The following SOS1 variants were observed in gnomAD, a reference collection of about 807,000 sequenced individuals.
The protein encoded by SOS1 is son of sevenless homolog 1.
Under a neutral mutation model 157.6 loss-of-function variants are expected in SOS1, and 25 were observed. The observed-to-expected ratio is 0.16, with a 90% CI of 0.12 to 0.22. SOS1 has a LOEUF of 0.22. SOS1 is among the 10% of genes least tolerant of loss of function. SOS1 has a pLI of 1.00. For missense variants in SOS1, 1,237 were observed against 1,599.1 expected (o/e 0.77, Z 3.86); for synonymous variants, 528 against 534.0 (o/e 0.99, Z 0.16).
intron 8 of SOS1, among the ~76,000 whole-genome samples, chr2:39,033,667 T>C (rs1438511375): frequency 6.6e-6 from 1 of 152,142 alleles, no homozygotes; most frequent in Non-Finnish European, 1.5e-5. Context: ...TTTGAGTAGC[T>C]GGAACCACAG....
intron 1 of SOS1, among the ~76,000 whole-genome samples, chr2:39,102,570 C>T (rs1673011369): frequency 2.1e-5 from 3 of 142,504 alleles, no homozygotes; most frequent in South Asian, 2.3e-4. Flanking sequence ...AATTCCGCTT[C>T]GTTTTAAAAG....
intron 1 of SOS1, among the ~76,000 whole-genome samples, chr2:39,096,911 A>C (rs1672786974): frequency 6.6e-6 from 1 of 152,150 alleles, no homozygotes; most frequent in Non-Finnish European, 1.5e-5. Context: ...CTTGGCTGAA[A>C]TACATATTTA....
At chr2:38,990,126 A>G (rs1278399323) in intron 20 of SOS1, among the ~76,000 whole-genome samples, 1 of 151,990 alleles carries the variant, frequency 6.6e-6, no homozygotes, top group Non-Finnish European at 1.5e-5. Context: ...CCAAGAGACT[A>G]AAATAATACT....
At chr2:39,077,719 C>T (rs1672064458) in intron 1 of SOS1, among the ~76,000 whole-genome samples, 1 of 152,088 alleles carries the variant, frequency 6.6e-6, no homozygotes. Flanking sequence ...AGTATAGATT[C>T]ATGAGGAAAG....
chr2:39,059,733 G>A lies in SOS1; in HGVS notation c.214-929C>T, dbSNP rs371220629. On this transcript the variant is annotated intron_variant, in intron 2 of 22. Coordinates refer to ENST00000402219, the MANE Select transcript of SOS1 (RefSeq NM_005633.4). ...GATGCCATGTGATGCCCTTGGTGGT[G>A]AGGGAGGGGTGGAGAACACAATGAT... 1.0e-3 allele frequency among the ~76,000 whole-genome samples: 154 copies of A among 152,314 alleles called. 1 individual carries two copies. The South Asian group carries it at 0.015, about 15-fold the overall frequency.
intron 16 of SOS1, 64 bp downstream of exon 16, chr2:39,006,967 T>G: frequency 9.2e-7 from 1 of 1,081,884 alleles, no homozygotes; most frequent in Non-Finnish European, 1.4e-6. Flanking sequence ...ATAATAATTG[T>G]TAAAAATCTA....
intron 1 of SOS1, among the ~76,000 whole-genome samples, chr2:39,117,115 G>C (rs983922792): frequency 6.7e-6 from 1 of 150,096 alleles, no homozygotes; most frequent in African/African-American, 2.5e-5. Flanking sequence ...TGCAACCTCC[G>C]TCTTCCGGTT....
intron 1 of SOS1, among the ~76,000 whole-genome samples, chr2:39,068,088 C>G (rs778880487): frequency 6.6e-6 from 1 of 152,144 alleles, no homozygotes; most frequent in Non-Finnish European, 1.5e-5. Flanking sequence ...CACTGCACTC[C>G]AGCCTGGGCA....
intron 1 of SOS1, chr2:39,098,338 G>T: frequency 7.6e-6 from 2 of 261,506 alleles, no homozygotes; most frequent in Non-Finnish European, 1.5e-5. Context: ...ACTTTTCCTT[G>T]AGATTTTTCT....
At chr2:39,079,648 C>G (rs1423091931) in intron 1 of SOS1, among the ~76,000 whole-genome samples, 1 of 151,902 alleles carries the variant, frequency 6.6e-6, no homozygotes, top group African/African-American at 2.4e-5. Flanking sequence ...GCACGTGCCA[C>G]CATGCCCGGC....
chr2:39,057,724 G>C (rs899892635), intron 3 of SOS1, among the ~76,000 whole-genome samples: 8 of 151,964 alleles, frequency 5.3e-5, no homozygotes, highest in Admixed American at 4.6e-4. Context: ...AATTCCCTTA[G>C]AATACAATTC....
chr2:39,096,798 AT>A (rs1258103984), intron 1 of SOS1, among the ~76,000 whole-genome samples: 2 of 151,982 alleles, frequency 1.3e-5, no homozygotes, highest in Non-Finnish European at 2.9e-5. Context: ...AGACAGGAGA[AT>A]GGTGTAAACC....
chr2:39,088,018 TCATTATTCACATTACCA>T (rs1672439414), intron 1 of SOS1, among the ~76,000 whole-genome samples: 1 of 150,666 alleles, frequency 6.6e-6, no homozygotes, highest in Non-Finnish European at 1.5e-5. Flanking sequence ...TTATTAGTAG[TCATTATTCACATTACCA>T]CATGAAGTAA....
upstream of SOS1, among the ~76,000 whole-genome samples, chr2:39,124,819 C>T (rs559583973): frequency 6.6e-5 from 10 of 152,320 alleles, no homozygotes; most frequent in African/African-American, 2.4e-4. Flanking sequence ...CACATCACTT[C>T]TGTCTCTGTC....
intron 1 of SOS1, chr2:39,082,724 G>A (rs1042794530): frequency 6.6e-5 from 10 of 152,110 alleles, no homozygotes; most frequent in African/African-American, 2.4e-4. Context: ...GAGAGCTTAA[G>A]GCCGAAAACA....
At chr2:39,030,180 T>A (rs1221074857) in intron 8 of SOS1, among the ~76,000 whole-genome samples, 1 of 55,540 alleles carries the variant, frequency 1.8e-5, no homozygotes, top group Admixed American at 2.0e-4. Context: ...AATAAATAAA[T>A]AAAAATAAAA....
At chr2:39,040,578 A>C (rs968224924) in intron 6 of SOS1, among the ~76,000 whole-genome samples, 1 of 152,138 alleles carries the variant, frequency 6.6e-6, no homozygotes, top group Non-Finnish European at 1.5e-5. Context: ...GAAACATACA[A>C]TATTGTCCTT....
At chr2:39,013,057 T>C (rs1319838770) in intron 13 of SOS1, among the ~76,000 whole-genome samples, 1 of 152,120 alleles carries the variant, frequency 6.6e-6, no homozygotes, top group African/African-American at 2.4e-5. Context: ...ACGTATCTGA[T>C]TAGTGGCAGT....
At chr2:39,023,986 A>G in intron 9 of SOS1, 24 bp downstream of exon 9, 3 of 1,549,038 alleles carry the variant, frequency 1.9e-6, no homozygotes, top group Non-Finnish European at 2.7e-6. Context: ...AAAAAAGGAT[A>G]TTTTAAAAAG....
Sources: gnomAD v4.1 joint callset for allele counts (sites outside exome capture counted in the v4.1 genomes callset) on GRCh38, gnomAD v4.1.1 for gene constraint, MANE v1.5 for transcripts, NCBI Gene and HGNC (gene_info 2026-07-23, HGNC 2026-07-21) for gene names.